Variants in IMMP2L observed in about 807,000 individuals in gnomAD.
The protein encoded by IMMP2L is mitochondrial inner membrane protease subunit 2.
A neutral mutation model predicts 19.3 loss-of-function variants in IMMP2L; 18 were observed. The ratio of observed to expected loss-of-function variants is 0.93; its 90% confidence interval spans 0.64 to 1.38. The LOEUF (loss-of-function observed/expected upper bound fraction) is 1.38. IMMP2L is among the 40% of genes most tolerant of loss of function. The pLI is 0.00. For synonymous variants in IMMP2L, 76 were observed against 73.0 expected (o/e 1.04, Z -0.21); for missense variants, 233 against 218.2 (o/e 1.07, Z -0.43).
rs1438768509 is a variant in IMMP2L at position 111,213,788 on chromosome 7, T to C, written c.240-250223A>G. On this transcript the variant is annotated intron_variant, in intron 3 of 5. Transcript: ENST00000405709. This position sits in a 1 kb window ranked among gnomAD's most constrained non-coding sequence, Gnocchi z 4.8. ...CTCCTATCTAATGAGCGCTGAACAT[T>C]TGAAGGAATGACCTGCCTGCGGAGA... is the stretch of plus-strand genomic sequence containing the variant. Among the ~76,000 whole-genome samples, 5 of 152,118 alleles carry C rather than the reference T, an allele frequency of 3.3e-5. No homozygotes were observed. Among genetic ancestry groups the C allele is most frequent in the Non-Finnish European group, 7.4e-5 (5 of 68,010 alleles).
At chr7:111,379,962 A>G (rs1001163497) in intron 3 of IMMP2L, among the ~76,000 whole-genome samples, 1 of 151,986 alleles carries the variant, frequency 6.6e-6, no homozygotes, top group Non-Finnish European at 1.5e-5. Flanking sequence ...TAGCCAATTC[A>G]GTATTATGAA....
intron 3 of IMMP2L, among the ~76,000 whole-genome samples, chr7:111,373,201 T>C (rs1830401674): frequency 6.6e-6 from 1 of 150,524 alleles, no homozygotes; most frequent in Admixed American, 6.6e-5. Flanking sequence ...TAAATTTAAC[T>C]GAAAATATAT....
In IMMP2L at chr7:111,123,038, A is replaced by C. The variant is rs142875610; in HGVS notation, c.240-159473T>G. 1,236 of 1,613,878 alleles carry C rather than the reference A, an allele frequency of 7.7e-4. 26 individuals carry two copies. The East Asian group carries it at 0.025, about 33-fold the overall frequency. On this transcript the variant is annotated intron_variant, in intron 3 of 5. Transcript: ENST00000405709. The surrounding 1 kb of genome is among the most constrained non-coding windows in gnomAD (Gnocchi z 6.4). ...ATTGCAAAAATTGAATACTCCACAG[A>C]CTTTCCAGTAAACCTTACTGGCCTG...
Position 110,852,791 on chromosome 7 carries a change from C to T in IMMP2L, c.408+33802G>A, listed in dbSNP as rs186285670. Among the ~76,000 whole-genome samples the T allele has an allele frequency of 4.6e-3, 703 of 152,052 alleles. 24 individuals are homozygous for T. Among genetic ancestry groups the T allele is most frequent in the Admixed American group, 0.042 (635 of 15,240 alleles). ...TAGAAACCCCGGCCACATAGAGAGC[C>T]CAAGTGGAGGCATTCCAACTGATAG... On this transcript the variant is annotated intron_variant, in intron 5 of 5. Coordinates refer to ENST00000405709, the MANE Select transcript of IMMP2L (RefSeq NM_032549.4).
chr7:111,092,231 A>G (rs1261263082), intron 3 of IMMP2L, among the ~76,000 whole-genome samples: 1 of 152,200 alleles, frequency 6.6e-6, no homozygotes, highest in Non-Finnish European at 1.5e-5. Context: ...TGGAACTGCC[A>G]CACACTAGGT....
At chr7:111,552,281 TTTTTG>T (rs909337162) in intron 1 of IMMP2L, among the ~76,000 whole-genome samples, 2 of 152,004 alleles carry the variant, frequency 1.3e-5, no homozygotes, top group African/African-American at 4.8e-5. Flanking sequence ...AATAGCATCA[TTTTTG>T]TTTTGTTTTG....
At position 110,901,437 on chromosome 7, in the gene IMMP2L, T is replaced by A. The variant is rs796246905; in HGVS notation, c.306-14742A>T. ...AACAGTTTCATATACTATCTTAAAT[T>A]GAAAAGGATTTCAGATATCTTCAGG... On this transcript the variant is annotated intron_variant, in intron 4 of 5. Coordinates refer to ENST00000405709, the MANE Select transcript of IMMP2L (RefSeq NM_032549.4). Among the ~76,000 whole-genome samples, 43 of 152,274 alleles carry A rather than the reference T, an allele frequency of 2.8e-4. 1 individual carries two copies. Among genetic ancestry groups the A allele is most frequent in the African/African-American group, 9.4e-4 (39 of 41,560 alleles).
intron 3 of IMMP2L, among the ~76,000 whole-genome samples, chr7:111,216,506 A>C (rs759341195): frequency 6.6e-5 from 10 of 152,172 alleles, no homozygotes; most frequent in Non-Finnish European, 1.5e-4. Flanking sequence ...TAACACATCC[A>C]TCACCTCAAA....
chr7:111,223,923 T>C (rs1812791951), intron 3 of IMMP2L, among the ~76,000 whole-genome samples: 1 of 152,080 alleles, frequency 6.6e-6, no homozygotes. Context: ...TCTTATGATA[T>C]GAAATGATAA....
At chr7:111,264,100 A>G (rs1448647442) in intron 3 of IMMP2L, among the ~76,000 whole-genome samples, 1 of 152,176 alleles carries the variant, frequency 6.6e-6, no homozygotes, top group East Asian at 1.9e-4. Context: ...GTATGAGGAA[A>G]AACACCCAAT....
intron 3 of IMMP2L, chr7:111,091,063 T>A (rs1268861715): frequency 6.6e-6 from 1 of 152,210 alleles, no homozygotes; most frequent in Non-Finnish European, 1.5e-5. Flanking sequence ...TCTGAAGCGA[T>A]TGGCTCCTCT....
intron 5 of IMMP2L, among the ~76,000 whole-genome samples, chr7:110,695,150 G>C (rs1016870111): frequency 6.6e-6 from 1 of 152,072 alleles, no homozygotes; most frequent in Non-Finnish European, 1.5e-5. Context: ...TGGTTGTACC[G>C]CATCATAAAA....
At chr7:110,692,772 C>T (rs972744665) in intron 5 of IMMP2L, among the ~76,000 whole-genome samples, 4 of 152,062 alleles carry the variant, frequency 2.6e-5, no homozygotes, top group Non-Finnish European at 4.4e-5. Flanking sequence ...AGCAGGAAAT[C>T]AAAATATTGT....
intron 5 of IMMP2L, among the ~76,000 whole-genome samples, chr7:110,665,392 G>A (rs1007822936): frequency 5.9e-5 from 9 of 152,054 alleles, no homozygotes; most frequent in Admixed American, 1.3e-4. Flanking sequence ...AATGAAGACC[G>A]TTTCATATAT....
chr7:110,718,075 A>G (rs559464176), intron 5 of IMMP2L, among the ~76,000 whole-genome samples: 1 of 152,320 alleles, frequency 6.6e-6, no homozygotes, highest in Admixed American at 6.5e-5. Context: ...TTAGTTTAGG[A>G]CCAAAAATGG....
chr7:111,133,035 T>C (rs1201148717), intron 3 of IMMP2L, among the ~76,000 whole-genome samples: 1 of 151,982 alleles, frequency 6.6e-6, no homozygotes, highest in African/African-American at 2.4e-5. Flanking sequence ...GAGTCATTTG[T>C]GTGTTAGTGC....
intron 4 of IMMP2L, among the ~76,000 whole-genome samples, chr7:110,949,571 A>C (rs1213771918): frequency 6.6e-6 from 1 of 152,190 alleles, no homozygotes; most frequent in Non-Finnish European, 1.5e-5. Context: ...GTTTTTGTAC[A>C]TAAACTTTTA....
intron 3 of IMMP2L, among the ~76,000 whole-genome samples, chr7:111,061,245 T>C (rs1793986692): frequency 6.6e-6 from 1 of 152,166 alleles, no homozygotes; most frequent in Non-Finnish European, 1.5e-5. Flanking sequence ...GGGCACATTA[T>C]TCAGAGCACA....
At chr7:110,807,377 G>A (rs551601625) in intron 5 of IMMP2L, among the ~76,000 whole-genome samples, 11 of 151,928 alleles carry the variant, frequency 7.2e-5, no homozygotes, top group Non-Finnish European at 1.5e-4. Flanking sequence ...TTTCTGATGT[G>A]TGTTAAAAAA....
Sources: allele counts gnomAD v4.1 joint callset (sites outside exome capture counted in the v4.1 genomes callset), GRCh38; gene constraint gnomAD v4.1.1; non-coding constraint Gnocchi (gnomAD v3.1); transcripts MANE v1.5; gene names NCBI Gene and HGNC (gene_info 2026-07-23, HGNC 2026-07-21).